NCOR2: variants seen among roughly 807,000 people sequenced by gnomAD.
The protein encoded by NCOR2 is nuclear receptor corepressor 2.
Under a neutral mutation model 262.9 loss-of-function variants are expected in NCOR2, and 81 were observed. That is an observed-to-expected ratio of 0.31 (90% CI 0.26 to 0.37). The LOEUF (loss-of-function observed/expected upper bound fraction) is 0.37, where lower values mean the gene tolerates loss of function less well. NCOR2 is among the 10% of genes least tolerant of loss of function. The probability of loss-of-function intolerance (pLI) is 1.00; values close to 1 mark genes in which losing one functional copy is unlikely to be tolerated. For missense variants in NCOR2, 3,385 were observed against 3,621.4 expected (o/e 0.93, Z 1.68); for synonymous variants, 1,659 against 1,559.3 (o/e 1.06, Z -1.51).
intron 15 of NCOR2, among the ~76,000 whole-genome samples, 197 bp downstream of exon 17, chr12:124,400,304 G>A (rs1434864180): frequency 2.6e-5 from 4 of 152,164 alleles, no homozygotes; most frequent in Admixed American, 2.6e-4. Flanking sequence ...AGGACCCTGA[G>A]GCACAGAGAG....
Position 124,422,430 on chromosome 12 carries a change from C to T in NCOR2, c.1383+71G>A, listed in dbSNP as rs915487887. On this transcript the variant is annotated intron_variant, in intron 12 of 46. Transcript: ENST00000405201. ...GGCCTTGTGGGCAAGGAGGGAGGGCCTCCACCCTGAGTCCACGCAGTTGCC... is the reference window on the plus strand; with the variant it reads ...GGCCTTGTGGGCAAGGAGGGAGGGCTTCCACCCTGAGTCCACGCAGTTGCC... 4 of 1,585,544 alleles carry T rather than the reference C, an allele frequency of 2.5e-6. No homozygotes were observed. In the African/African-American group the frequency reaches 5.4e-5, roughly 21 times the overall value.
chr12:124,330,965 G>C (rs954723014), intron 43 of NCOR2, 67 bp from the exon 46 acceptor site: 3 of 1,496,278 alleles, frequency 2.0e-6, no homozygotes, highest in South Asian at 2.6e-5. Flanking sequence ...TACCAGTCCC[G>C]TGTGGTCCAG....
chr12:124,459,755 G>A (rs1316126009), intron 5 of NCOR2, among the ~76,000 whole-genome samples: 1 of 152,156 alleles, frequency 6.6e-6, no homozygotes, highest in Non-Finnish European at 1.5e-5. Flanking sequence ...CACAGATTCA[G>A]CCTCATGCCA....
upstream of NCOR2, among the ~76,000 whole-genome samples, chr12:124,536,091 T>G (rs1463984053): frequency 2.6e-5 from 4 of 152,092 alleles, no homozygotes; most frequent in Non-Finnish European, 5.9e-5. Context: ...TTGGAGTGTT[T>G]TTGTTTTTGT....
chr12:124,342,132 C>T, intron 33 of NCOR2, 58 bp from the exon 36 acceptor site: 3 of 1,532,708 alleles, frequency 2.0e-6, no homozygotes, highest in East Asian at 2.3e-5. Context: ...GATGGTGTCG[C>T]TCCACCTGTC....
intron 7 of NCOR2, among the ~76,000 whole-genome samples, chr12:124,438,778 CAG>C (rs56072801): frequency 0.035 from 2,078 of 60,024 alleles, 143 homozygotes; most frequent in Middle Eastern, 0.068. Context: ...CCCAGAGAGA[CAG>C]AGAGAGAGAG....
At position 124,340,005 on chromosome 12, in the gene NCOR2, C is replaced by T. The variant is rs765598585; in HGVS notation, c.5687+1G>A. On this transcript the variant is annotated splice_donor_variant, in intron 37 of 46. Coordinates refer to ENST00000405201, the Ensembl canonical transcript of NCOR2. LOFTEE classifies it high-confidence loss of function. ...CCCTCCCCCATGCCAACCTGGCCCA[C>T]CTCAGGACCGTGGGCGTGCTGGGCT... 1 of 1,611,716 alleles carries T rather than the reference C, an allele frequency of 6.2e-7. No homozygotes were observed. Among genetic ancestry groups the T allele is most frequent in the South Asian group, 1.1e-5 (1 of 91,026 alleles).
At chr12:124,435,702 C>A (rs971608941) in intron 8 of NCOR2, among the ~76,000 whole-genome samples, 1 of 152,208 alleles carries the variant, frequency 6.6e-6, no homozygotes, top group Admixed American at 6.5e-5. Context: ...GGGTCCCCCT[C>A]CCCAGGCACT....
chr12:124,343,295 G>C, intron 32 of NCOR2, 69 bp from the exon 35 acceptor site: 1 of 1,315,534 alleles, frequency 7.6e-7, no homozygotes, highest in Non-Finnish European at 1.1e-6. Flanking sequence ...TTTGAGGATA[G>C]GGACCTCGGG....
intron 1 of NCOR2, among the ~76,000 whole-genome samples, chr12:124,494,226 C>T (rs1164097443): frequency 2.0e-5 from 3 of 152,002 alleles, no homozygotes; most frequent in Non-Finnish European, 2.9e-5. Context: ...GACAGACACA[C>T]ACACACACGC....
intron 20 of NCOR2, among the ~76,000 whole-genome samples, chr12:124,365,239 A>C (rs1162380762): frequency 6.6e-6 from 1 of 152,232 alleles, no homozygotes; most frequent in South Asian, 2.1e-4. Context: ...TCTGGGTGCC[A>C]GAAGCTGGCA....
At chr12:124,333,010 T>G (rs1593084309) in intron 42 of NCOR2, 120 bp downstream of exon 44, 1 of 1,353,152 alleles carries the variant, frequency 7.4e-7, no homozygotes. Flanking sequence ...AGGCTTGAGG[T>G]CACCCAGCTG....
chr12:124,405,885 G>C (rs1221603545), intron 13 of NCOR2, among the ~76,000 whole-genome samples: 1 of 152,292 alleles, frequency 6.6e-6, no homozygotes, highest in South Asian at 2.1e-4. Flanking sequence ...AACTGCACCT[G>C]CTGGGCTTCC....
At chr12:124,496,651 T>C (rs576030931), upstream of NCOR2, among the ~76,000 whole-genome samples, 248 of 152,256 alleles carry the variant, frequency 1.6e-3, no homozygotes, top group African/African-American at 5.6e-3. The surrounding 1 kb of genome is among the most constrained non-coding windows in gnomAD (Gnocchi z 4.4). Context: ...TGGAGGGGCA[T>C]TGGGAGGAAG....
Position 124,419,231 on chromosome 12 carries a change from CA to C in NCOR2, c.1482+725del, listed in dbSNP as rs757058407. Among the ~76,000 whole-genome samples the C allele has an allele frequency of 1.3e-3, 205 of 152,266 alleles. 1 individual carries two copies. The highest frequency in any genetic ancestry group is 1.8e-3 in the African/African-American group (73 of 41,550). Reference sequence around the variant, plus strand: ...TTTTCCTCTAACTCGGAGGAAAAAGCAAACTTTTTCTATGAAGGGCCAGCTA... The same window carrying C: ...TTTTCCTCTAACTCGGAGGAAAAAGCAACTTTTTCTATGAAGGGCCAGCTA... On this transcript the variant is annotated intron_variant, in intron 13 of 46. Transcript: ENST00000405201.
intron 42 of NCOR2, 100 bp downstream of exon 44, chr12:124,333,030 C>A: frequency 6.9e-7 from 1 of 1,454,914 alleles, no homozygotes; most frequent in Non-Finnish European, 9.2e-7. Flanking sequence ...GAGCCCTGTG[C>A]CCTTGTCACT....
intron 1 of NCOR2, among the ~76,000 whole-genome samples, chr12:124,555,681 C>T (rs1248385927): frequency 6.6e-6 from 1 of 152,194 alleles, no homozygotes; most frequent in African/African-American, 2.4e-5. Context: ...TCTTGCTGGC[C>T]CCGGGAATCC....
chr12:124,352,341 A>G (rs2037556515), intron 27 of NCOR2, among the ~76,000 whole-genome samples: 1 of 152,148 alleles, frequency 6.6e-6, no homozygotes, highest in Non-Finnish European at 1.5e-5. Flanking sequence ...TAAATGATTT[A>G]AAAAGGGGGG....
At chr12:124,331,063 C>CTTTT (rs747884076) in intron 43 of NCOR2, among the ~76,000 whole-genome samples, 165 bp from the exon 46 acceptor site, 2 of 135,712 alleles carry the variant, frequency 1.5e-5, no homozygotes, top group South Asian at 2.4e-4. Context: ...GTCTGCATTT[C>CTTTT]TTTTTTTTTT....
Sources: gnomAD v4.1 joint callset for allele counts (sites outside exome capture counted in the v4.1 genomes callset) on GRCh38, gnomAD v4.1.1 for gene constraint, Gnocchi (gnomAD v3.1) non-coding constraint, MANE v1.5 for transcripts, NCBI Gene and HGNC (gene_info 2026-07-23, HGNC 2026-07-21) for gene names.